The following RFX4 variants were observed in gnomAD, a reference collection of about 807,000 sequenced individuals.
RFX4 encodes the protein transcription factor RFX4.
In RFX4, 10 loss-of-function variants were observed where a neutral mutation model predicts 95.0. The observed-to-expected ratio is 0.11, with a 90% CI of 0.06 to 0.18. The LOEUF is 0.18. Among genes scored for constraint, RFX4 ranks in the 10% least tolerant of loss-of-function variants. The pLI, the probability that RFX4 is intolerant of heterozygous loss-of-function variation, is 1.00. For synonymous variants in RFX4, 321 were observed against 340.7 expected (o/e 0.94, Z 0.64); for missense variants, 640 against 922.0 (o/e 0.69, Z 3.96).
intron 3 of RFX4, among the ~76,000 whole-genome samples, chr12:106,649,620 G>A (rs2040821045): frequency 6.6e-6 from 1 of 152,140 alleles, no homozygotes; most frequent in South Asian, 2.1e-4. Flanking sequence ...CCATGATCTT[G>A]TATTTTAATC....
intron 4 of RFX4, among the ~76,000 whole-genome samples, chr12:106,678,530 G>A (rs574182744): frequency 7.2e-5 from 11 of 152,086 alleles, no homozygotes; most frequent in Non-Finnish European, 1.3e-4. Flanking sequence ...GTAGATTTTA[G>A]GTGCTTCTTC....
intron 15 of RFX4, among the ~76,000 whole-genome samples, chr12:106,737,581 T>TC (rs2042736673): frequency 6.6e-6 from 1 of 152,206 alleles, no homozygotes; most frequent in Admixed American, 6.5e-5. Flanking sequence ...ATTAATTCCT[T>TC]CCCCAAAGTT....
At chr12:106,749,653 TAAG>T (rs1364822684) in intron 16 of RFX4, among the ~76,000 whole-genome samples, 1 of 152,220 alleles carries the variant, frequency 6.6e-6, no homozygotes, top group African/African-American at 2.4e-5. Flanking sequence ...AATATTTTAC[TAAG>T]AAGAACAGTG....
In RFX4 at chr12:106,752,250, A is replaced by G. The variant is rs56377600; in HGVS notation, c.1935+1457A>G. Among the ~76,000 whole-genome samples the G allele has an allele frequency of 5.6e-3, 841 of 150,334 alleles. 2 individuals are homozygous for G. The highest frequency in any genetic ancestry group is 8.8e-3 in the Non-Finnish European group (596 of 67,552). On this transcript the variant is annotated intron_variant, in intron 17 of 17. Coordinates refer to ENST00000392842, the MANE Select transcript of RFX4 (RefSeq NM_213594.3). ...TTTGTCAAAGATCAGATAGTTGTAGATATGCGGCGTTATTTCTGAGGGCTC... is the reference window on the plus strand; with the variant it reads ...TTTGTCAAAGATCAGATAGTTGTAGGTATGCGGCGTTATTTCTGAGGGCTC...
intron 3 of RFX4, among the ~76,000 whole-genome samples, chr12:106,646,233 G>T (rs1049062839): frequency 6.6e-6 from 1 of 151,914 alleles, no homozygotes; most frequent in Non-Finnish European, 1.5e-5. Context: ...CAGTAGAGAT[G>T]AGTAGAGTAC....
rs904249996 is a variant in RFX4 at position 106,652,528 on chromosome 12, A to T, written c.192-1700A>T. 4.6e-5 allele frequency among the ~76,000 whole-genome samples: 7 copies of T among 152,218 alleles called. No homozygotes were observed. In the South Asian group the frequency reaches 1.4e-3, roughly 31 times the overall value. ...CACTATCCCAGCCTCAAGGAATTTG[A>T]TCACCTAGAAAGGATTACATCAACT... On this transcript the variant is annotated intron_variant, in intron 3 of 17. Coordinates refer to ENST00000392842, the MANE Select transcript of RFX4 (RefSeq NM_213594.3).
chr12:106,708,553 C>G (rs1213820518), intron 8 of RFX4, among the ~76,000 whole-genome samples: 2 of 152,004 alleles, frequency 1.3e-5, no homozygotes, highest in Non-Finnish European at 2.9e-5. Context: ...AAAGGCTGAA[C>G]CAGGGCAGGC....
At chr12:106,705,227 C>T (rs1458526987) in intron 8 of RFX4, among the ~76,000 whole-genome samples, 2 of 152,188 alleles carry the variant, frequency 1.3e-5, no homozygotes, top group African/African-American at 2.4e-5. Context: ...ACATTGCACT[C>T]ATTAAAAGGT....
rs541323956 is a variant in RFX4 at position 106,608,195 on chromosome 12, CA to C, written c.44-601del. On this transcript the variant is annotated intron_variant, in intron 1 of 17. Transcript: ENST00000392842. ...CAAGAGCAAAACTCCGTCTCAAAAA[CA>C]CAAAAAAAGAGGGGCTACATAGCTA... Among the ~76,000 whole-genome samples, 750 of 152,044 alleles carry C rather than the reference CA, an allele frequency of 4.9e-3. 1 individual carries two copies. Among genetic ancestry groups the C allele is most frequent in the South Asian group, 0.023 (110 of 4,816 alleles).
chr12:106,687,145 T>TTC (rs143494071), intron 6 of RFX4, 48 bp downstream of exon 6: 233 of 1,277,472 alleles, frequency 1.8e-4, no homozygotes, highest in Middle Eastern at 1.4e-3. Context: ...TTCTCTCTCT[T>TTC]TCTCTCTCTC....
At chr12:106,735,113 A>G (rs964210786) in intron 15 of RFX4, among the ~76,000 whole-genome samples, 1 of 152,110 alleles carries the variant, frequency 6.6e-6, no homozygotes, top group Non-Finnish European at 1.5e-5. Flanking sequence ...TACCCATGAG[A>G]GTCAAGATCT....
At chr12:106,733,934 C>CCCTA (rs1450791844) in intron 15 of RFX4, among the ~76,000 whole-genome samples, 1 of 152,118 alleles carries the variant, frequency 6.6e-6, no homozygotes, top group Non-Finnish European at 1.5e-5. Flanking sequence ...AGCGTCTTAT[C>CCCTA]GATGGATGAT....
intron 13 of RFX4, among the ~76,000 whole-genome samples, chr12:106,728,390 T>G (rs766055202): frequency 3.3e-5 from 5 of 152,044 alleles, no homozygotes; most frequent in Non-Finnish European, 7.4e-5. Context: ...AAGTAGTCAA[T>G]GCTTGCCTAT....
intron 2 of RFX4, among the ~76,000 whole-genome samples, chr12:106,627,372 TA>T (rs2040323251): frequency 6.6e-6 from 1 of 152,004 alleles, no homozygotes; most frequent in Admixed American, 6.6e-5. Flanking sequence ...CCGTCTCTAC[TA>T]AAAATGAAAA....
At chr12:106,750,546 G>T in intron 16 of RFX4, 109 bp from the exon 17 acceptor site, 1 of 1,088,450 alleles carries the variant, frequency 9.2e-7, no homozygotes, top group Non-Finnish European at 1.2e-6. Context: ...GAAAAGAAAA[G>T]AGAAAAAAGA....
At chr12:106,736,619 C>G (rs2042713707) in intron 15 of RFX4, among the ~76,000 whole-genome samples, 1 of 152,192 alleles carries the variant, frequency 6.6e-6, no homozygotes, top group Non-Finnish European at 1.5e-5. Context: ...CCTCATGTAA[C>G]AGCAAGACAG....
At chr12:106,657,235 G>C (rs1324404762) in intron 4 of RFX4, among the ~76,000 whole-genome samples, 14 of 152,246 alleles carry the variant, frequency 9.2e-5, no homozygotes, top group Admixed American at 9.2e-4. Context: ...ATTCATTGAT[G>C]AACTTTTAAC....
At chr12:106,680,603 T>C (rs1056415902) in intron 4 of RFX4, among the ~76,000 whole-genome samples, 1 of 152,196 alleles carries the variant, frequency 6.6e-6, no homozygotes, top group Non-Finnish European at 1.5e-5. Context: ...TCAAGGTTTA[T>C]GCCCTACCAA....
chr12:106,750,223 T>A (rs2042973698), intron 16 of RFX4, among the ~76,000 whole-genome samples: 1 of 152,104 alleles, frequency 6.6e-6, no homozygotes, highest in Admixed American at 6.5e-5. Flanking sequence ...ATGCCTGTAA[T>A]CCCAGCATTT....
Sources: gnomAD v4.1 joint callset for allele counts (sites outside exome capture counted in the v4.1 genomes callset) on GRCh38, gnomAD v4.1.1 for gene constraint, MANE v1.5 for transcripts, NCBI Gene and HGNC (gene_info 2026-07-23, HGNC 2026-07-21) for gene names.